Variants in FANK1 observed in about 807,000 individuals in gnomAD.
The protein encoded by FANK1 is fibronectin type III and ankyrin repeat domains 1.
A neutral mutation model predicts 45.3 loss-of-function variants in FANK1; 44 were observed. The ratio of observed to expected loss-of-function variants is 0.97; its 90% CI spans 0.76 to 1.25. The LOEUF (loss-of-function observed/expected upper bound fraction) is 1.25, where lower values mean the gene tolerates loss of function less well. Ranked by LOEUF, FANK1 falls within the 50% of genes most tolerant of loss-of-function variation. The probability of loss-of-function intolerance (pLI) is 0.00; values close to 1 mark genes in which losing one functional copy is unlikely to be tolerated. For missense variants in FANK1, 391 were observed against 424.4 expected (o/e 0.92, Z 0.69); for synonymous variants, 149 against 152.5 (o/e 0.98, Z 0.17).
At chr10:126,006,777 T>G (rs1953244864) in intron 7 of FANK1, among the ~76,000 whole-genome samples, 1 of 152,190 alleles carries the variant, frequency 6.6e-6, no homozygotes, top group Non-Finnish European at 1.5e-5. Flanking sequence ...GGAGAATTGC[T>G]TGAACCCAGG....
chr10:126,002,763 C>CTTT lies in FANK1; in HGVS notation c.540-2103_540-2101dup, dbSNP rs375158618. On this transcript the variant is annotated intron_variant, in intron 6 of 10. Transcript: ENST00000368693. The stretch of plus-strand genomic sequence containing the variant: ...TGACATTTGGCCATATTTGCCTCTC[C>CTTT]TTTTTTTTTTTTTTTTTTTTCATTC... Among the ~76,000 whole-genome samples the CTTT allele has an allele frequency of 1.3e-4, 15 of 113,194 alleles. 1 individual carries two copies. Among genetic ancestry groups the CTTT allele is most frequent in the Non-Finnish European group, 2.3e-4 (13 of 56,936 alleles). 74.3% of individuals were successfully genotyped at this position (113,194 alleles called of 152,430 possible).
At chr10:125,929,508 T>G (rs929465594) in intron 1 of FANK1, among the ~76,000 whole-genome samples, 2 of 152,208 alleles carry the variant, frequency 1.3e-5, no homozygotes, top group South Asian at 2.1e-4. Context: ...TCCCAGGTGC[T>G]CTCAGGTTGA....
intron 1 of FANK1, among the ~76,000 whole-genome samples, chr10:125,918,795 A>G (rs1589849493): frequency 1.3e-5 from 2 of 151,882 alleles, no homozygotes; most frequent in Admixed American, 1.3e-4. Context: ...GAAGTCTTAC[A>G]TAGGCTTTAT....
intron 1 of FANK1, among the ~76,000 whole-genome samples, chr10:125,905,715 T>G (rs905063852): frequency 6.6e-6 from 1 of 152,140 alleles, no homozygotes; most frequent in African/African-American, 2.4e-5. Flanking sequence ...GTGACAAGTC[T>G]AGTTTCGATA....
At chr10:125,963,175 GGT>G (rs1429394696) in intron 1 of FANK1, among the ~76,000 whole-genome samples, 14 of 152,124 alleles carry the variant, frequency 9.2e-5, no homozygotes, top group Non-Finnish European at 1.9e-4. Context: ...GTAGAGATGA[GGT>G]TTCACCATGT....
At chr10:125,900,319 C>T (rs75722669) in intron 1 of FANK1, among the ~76,000 whole-genome samples, 3 of 150,944 alleles carry the variant, frequency 2.0e-5, no homozygotes, top group South Asian at 2.1e-4. Flanking sequence ...ACATGGAAAA[C>T]GTACATCACT....
At chr10:125,991,249 G>GT in intron 3 of FANK1, among the ~76,000 whole-genome samples, 2 of 93,286 alleles carry the variant, frequency 2.1e-5, no homozygotes, top group South Asian at 3.7e-4. Context: ...TGGTGACCAG[G>GT]GGTGTGTGTG....
intron 6 of FANK1, among the ~76,000 whole-genome samples, chr10:125,999,345 G>A (rs755940945): frequency 5.3e-5 from 8 of 151,788 alleles, no homozygotes; most frequent in African/African-American, 4.8e-5. Context: ...AACTATAGGC[G>A]CCCACCACCA....
At chr10:126,002,162 A>G (rs1952811400) in intron 6 of FANK1, among the ~76,000 whole-genome samples, 1 of 151,940 alleles carries the variant, frequency 6.6e-6, no homozygotes, top group African/African-American at 2.4e-5. Flanking sequence ...AATACAAAAA[A>G]TTAGCCGAGC....
At chr10:125,978,058 G>A (rs1254273877) in intron 1 of FANK1, among the ~76,000 whole-genome samples, 3 of 151,890 alleles carry the variant, frequency 2.0e-5, no homozygotes, top group Non-Finnish European at 4.4e-5. Context: ...ATATGGACAA[G>A]TCTGCCCACT....
Position 125,914,860 on chromosome 10 carries a change from C to A in FANK1, c.13+18205C>A, listed in dbSNP as rs147708099. On this transcript the variant is annotated intron_variant, in intron 1 of 10. Coordinates refer to ENST00000368693, the MANE Select transcript of FANK1 (RefSeq NM_145235.5). ...AGTGAGGTCTGAACTCCCGGGTTGA[C>A]TTAGGTGCGGAGGGGATGACTTAGG... is the stretch of plus-strand genomic sequence containing the variant. Among the ~76,000 whole-genome samples the A allele has an allele frequency of 2.4e-3, 370 of 151,856 alleles. 1 individual carries two copies. Among genetic ancestry groups the A allele is most frequent in the Non-Finnish European group, 3.4e-3 (230 of 67,938 alleles).
intron 1 of FANK1, among the ~76,000 whole-genome samples, chr10:125,918,577 AAAAAAAAAAT>A (rs1261126625): frequency 4.2e-5 from 5 of 120,290 alleles, no homozygotes; most frequent in Non-Finnish European, 6.6e-5. Flanking sequence ...AAAAAAAAAA[AAAAAAAAAAT>A]ATATATATAT....
chr10:125,913,228 G>A (rs1424785461), intron 1 of FANK1, among the ~76,000 whole-genome samples: 1 of 152,100 alleles, frequency 6.6e-6, no homozygotes, highest in Non-Finnish European at 1.5e-5. Flanking sequence ...ACCCTTATCT[G>A]ATTGCACCTA....
rs758523616 is a variant in FANK1 at position 125,998,529 on chromosome 10, A to G, written c.539+1044A>G. Reference sequence around the variant, plus strand: ...GGAGAGTAGGAAAAATGAAAGAATTAAAAGTAGACATTGATTAAAAAATAG... The same window carrying G: ...GGAGAGTAGGAAAAATGAAAGAATTGAAAGTAGACATTGATTAAAAAATAG... On this transcript the variant is annotated intron_variant, in intron 6 of 10. Coordinates refer to ENST00000368693, the MANE Select transcript of FANK1 (RefSeq NM_145235.5). Among the ~76,000 whole-genome samples, 10 of 152,210 alleles carry G rather than the reference A, an allele frequency of 6.6e-5. No homozygotes were observed. The South Asian group carries it at 1.0e-3, about 16-fold the overall frequency.
rs187335076 is a variant in FANK1, at chr10:125,968,487, A to G, written c.14-11674A>G. On this transcript the variant is annotated intron_variant, in intron 1 of 10. Transcript: ENST00000368693. ...GTTTTGGAAGAGCAGGGAAACTACA[A>G]TTCTGCTTTAAGGTGTTCTGTTTTT... Among the ~76,000 whole-genome samples the G allele has an allele frequency of 5.8e-4, 88 of 152,194 alleles. 1 individual carries two copies. The highest frequency in any genetic ancestry group is 4.1e-3 in the East Asian group (21 of 5,182).
chr10:125,938,483 G>A (rs1267735898), intron 1 of FANK1, among the ~76,000 whole-genome samples: 1 of 152,144 alleles, frequency 6.6e-6, no homozygotes, highest in African/African-American at 2.4e-5. Flanking sequence ...AGAATATTCG[G>A]TGTGCCACGA....
intron 1 of FANK1, among the ~76,000 whole-genome samples, chr10:125,904,026 A>G (rs995695152): frequency 2.0e-5 from 3 of 151,960 alleles, no homozygotes; most frequent in African/African-American, 7.3e-5. Flanking sequence ...ACACCTGGCT[A>G]ATTTTTTATT....
In FANK1 at chr10:125,919,195, A is replaced by ATTTTTTTTTTTTTTTTTTTTTTTTTT. The variant is rs142716284; in HGVS notation, c.13+22543_13+22568dup. ...AGTAAAATACTTCCAGGAGGTAAGAATTTTTTTTTTTTTTTTTTTTTTTTT... is the reference window on the plus strand; with the variant it reads ...AGTAAAATACTTCCAGGAGGTAAGAATTTTTTTTTTTTTTTTTTTTTTTTTTTTTTTTTTTTTTTTTTTTTTTTTTT... On this transcript the variant is annotated intron_variant, in intron 1 of 10. Transcript: ENST00000368693. Among the ~76,000 whole-genome samples the ATTTTTTTTTTTTTTTTTTTTTTTTTT allele has an allele frequency of 8.1e-4, 42 of 51,880 alleles. 4 individuals carry two copies. Among genetic ancestry groups the ATTTTTTTTTTTTTTTTTTTTTTTTTT allele is most frequent in the Admixed American group, 1.1e-3 (3 of 2,790 alleles). 34.0% of individuals were successfully genotyped at this position (51,880 alleles called of 152,430 possible). A position where few individuals can be genotyped will look rare whatever the true frequency, so the allele number is the denominator to read the frequency against.
chr10:125,984,738 T>A (rs1375162516), intron 2 of FANK1, among the ~76,000 whole-genome samples: 2 of 152,208 alleles, frequency 1.3e-5, no homozygotes, highest in Admixed American at 6.5e-5. Context: ...AATATTTATT[T>A]AGCTTCTTAT....
Sources: allele counts gnomAD v4.1 joint callset (sites outside exome capture counted in the v4.1 genomes callset), GRCh38; gene constraint gnomAD v4.1.1; transcripts MANE v1.5; gene names NCBI Gene and HGNC (gene_info 2026-07-23, HGNC 2026-07-21).